Variants in TMEM132D observed in about 807,000 individuals in gnomAD.
TMEM132D encodes the protein transmembrane protein 132D, also known as mature OL transmembrane protein.
In TMEM132D, 21 loss-of-function variants were observed where a neutral mutation model predicts 62.3. The observed-to-expected ratio is 0.34, with a 90% CI of 0.24 to 0.49. The LOEUF (loss-of-function observed/expected upper bound fraction) is 0.49, where lower values mean the gene tolerates loss of function less well. Among genes scored for constraint, TMEM132D ranks in the 20% least tolerant of loss-of-function variants. TMEM132D has a pLI of 0.99. For missense variants in TMEM132D, 1,346 were observed against 1,402.8 expected, an observed-to-expected ratio of 0.96 and a Z score of 0.65; for synonymous variants, 621 against 575.6, an observed-to-expected ratio of 1.08 and a Z score of -1.13.
At chr12:129,439,573 C>G (rs1349297767) in intron 3 of TMEM132D, among the ~76,000 whole-genome samples, 1 of 152,126 alleles carries the variant, frequency 6.6e-6, no homozygotes. Flanking sequence ...CCTCAGCCTT[C>G]TAAGTAGCTG....
At chr12:129,830,790 T>C (rs1872806684) in intron 1 of TMEM132D, among the ~76,000 whole-genome samples, 1 of 152,164 alleles carries the variant, frequency 6.6e-6, no homozygotes. Context: ...TAGTTATTAT[T>C]ATTACAACGA....
chr12:129,615,896 T>C (rs1878903964), intron 2 of TMEM132D, among the ~76,000 whole-genome samples: 1 of 152,230 alleles, frequency 6.6e-6, no homozygotes, highest in Non-Finnish European at 1.5e-5. Context: ...GAGCCAGAAC[T>C]GGCTTGAGTT....
chr12:129,589,965 C>T (rs1468720731), intron 2 of TMEM132D, among the ~76,000 whole-genome samples: 1 of 152,108 alleles, frequency 6.6e-6, no homozygotes, highest in Non-Finnish European at 1.5e-5. Flanking sequence ...TAAACCATCC[C>T]TTTTCATGTA....
chr12:129,770,882 T>C (rs1434285640), intron 1 of TMEM132D, among the ~76,000 whole-genome samples: 5 of 152,374 alleles, frequency 3.3e-5, no homozygotes, highest in African/African-American at 1.2e-4. Context: ...TTTTGCACCA[T>C]TGTACAGTAA....
At chr12:129,265,173 G>A (rs1264413898) in intron 4 of TMEM132D, among the ~76,000 whole-genome samples, 1 of 152,286 alleles carries the variant, frequency 6.6e-6, no homozygotes, top group Non-Finnish European at 1.5e-5. Flanking sequence ...GGACAATCAT[G>A]ATGGCCAAAG....
intron 2 of TMEM132D, among the ~76,000 whole-genome samples, chr12:129,566,792 T>C (rs1225212351): frequency 6.6e-6 from 1 of 152,234 alleles, no homozygotes; most frequent in African/African-American, 2.4e-5. Context: ...CCTAAGCCTC[T>C]AGGATTCATC....
chr12:129,209,430 C>T (rs1878958317), intron 5 of TMEM132D, 90 bp downstream of exon 5: 1 of 1,525,918 alleles, frequency 6.6e-7, no homozygotes, highest in Non-Finnish European at 8.9e-7. Context: ...CCCAGAGGTC[C>T]CAGAGGTCCC....
At chr12:129,312,805 T>C (rs891834339) in intron 4 of TMEM132D, among the ~76,000 whole-genome samples, 12 of 152,174 alleles carry the variant, frequency 7.9e-5, no homozygotes, top group African/African-American at 1.9e-4. Context: ...ACATACATTC[T>C]AGTTCAAGCA....
At chr12:129,248,060 A>C (rs1189309236) in intron 4 of TMEM132D, among the ~76,000 whole-genome samples, 2 of 152,212 alleles carry the variant, frequency 1.3e-5, no homozygotes, top group African/African-American at 2.4e-5. Context: ...GATATCATTA[A>C]CTAAGTCTTC....
intron 3 of TMEM132D, among the ~76,000 whole-genome samples, chr12:129,407,357 T>C (rs1406258569): frequency 6.6e-6 from 1 of 152,200 alleles, no homozygotes; most frequent in African/African-American, 2.4e-5. Context: ...GTCAGAATTC[T>C]GGGATCCTTG....
chr12:129,277,494 C>T lies in TMEM132D; in HGVS notation c.1299+60140G>A, dbSNP rs1463672439. Among the ~76,000 whole-genome samples the T allele has an allele frequency of 1.3e-5, 2 of 152,138 alleles. No homozygotes were observed. Among genetic ancestry groups the T allele is most frequent in the Non-Finnish European group, 2.9e-5 (2 of 68,008 alleles). On this transcript the variant is annotated intron_variant, in intron 4 of 8. Transcript: ENST00000422113. This position sits in a 1 kb window ranked among gnomAD's most constrained non-coding sequence, Gnocchi z 4.2. ...ACAAATGATTTTTAAAATTCTTTAT[C>T]CCTTACTCATTGCTGCTATCAGGAA... is the stretch of plus-strand genomic sequence containing the variant.
intron 2 of TMEM132D, among the ~76,000 whole-genome samples, chr12:129,606,251 C>A (rs1056506285): frequency 1.7e-4 from 26 of 152,090 alleles, no homozygotes; most frequent in Admixed American, 1.1e-3. Flanking sequence ...GTTCAGAAAG[C>A]TTCAAAGGGG....
chr12:129,090,854 C>T (rs1339775625), intron 5 of TMEM132D, among the ~76,000 whole-genome samples: 1 of 152,152 alleles, frequency 6.6e-6, no homozygotes, highest in Non-Finnish European at 1.5e-5. Context: ...ACTGAGGTTT[C>T]CAGTCCTTCC....
chr12:129,137,263 CATCACT>C (rs1876610611), intron 5 of TMEM132D, among the ~76,000 whole-genome samples: 1 of 151,800 alleles, frequency 6.6e-6, no homozygotes, highest in South Asian at 2.1e-4. Flanking sequence ...CCACCATCAA[CATCACT>C]ATCACCATCA....
chr12:129,717,938 G>A (rs575362004), intron 1 of TMEM132D, among the ~76,000 whole-genome samples: 39 of 152,218 alleles, frequency 2.6e-4, no homozygotes, highest in South Asian at 1.9e-3. Context: ...CGTGCTGGTC[G>A]CCATGAGACT....
chr12:129,316,598 T>G (rs1418646712), intron 4 of TMEM132D, among the ~76,000 whole-genome samples: 2 of 152,210 alleles, frequency 1.3e-5, no homozygotes, highest in Non-Finnish European at 2.9e-5. Context: ...TTCCATGCGC[T>G]GTTGAATAGA....
intron 3 of TMEM132D, chr12:129,522,761 A>C (rs572115765): frequency 6.1e-4 from 1 of 1,636 alleles, no homozygotes; most frequent in African/African-American, 6.8e-4. Context: ...AAATAAAAAA[A>C]TACTTTAGAT....
chr12:129,503,051 C>T (rs144543149), intron 3 of TMEM132D, among the ~76,000 whole-genome samples: 4 of 152,258 alleles, frequency 2.6e-5, no homozygotes, highest in Non-Finnish European at 5.9e-5. Context: ...AAATATTTAA[C>T]GAGTGAATGA....
intron 5 of TMEM132D, among the ~76,000 whole-genome samples, chr12:129,160,719 T>TGATA (rs1366409935): frequency 6.6e-6 from 1 of 152,174 alleles, no homozygotes; most frequent in Non-Finnish European, 1.5e-5. Flanking sequence ...GGACATAGCC[T>TGATA]GATAGATAGA....
Sources: gnomAD v4.1 joint callset for allele counts (sites outside exome capture counted in the v4.1 genomes callset) on GRCh38, gnomAD v4.1.1 for gene constraint, Gnocchi (gnomAD v3.1) non-coding constraint, MANE v1.5 for transcripts, NCBI Gene and HGNC (gene_info 2026-07-23, HGNC 2026-07-21) for gene names.